ROR2: variants seen among roughly 807,000 people sequenced by gnomAD.
ROR2 encodes the protein ROR family WNT receptor 2, also known as tyrosine-protein kinase transmembrane receptor ROR2.
ROR2 carries 33 observed loss-of-function variants against 74.9 expected under a neutral mutation model. The ratio of observed to expected loss-of-function variants is 0.44; its 90% CI spans 0.33 to 0.59. The LOEUF is 0.59. Ranked by LOEUF, ROR2 falls within the 20% of genes least tolerant of loss-of-function variation. The pLI is 0.02. For synonymous variants in ROR2, 586 were observed against 558.7 expected, an observed-to-expected ratio of 1.05 and a Z score of -0.69; for missense variants, 1,216 against 1,313.8, an observed-to-expected ratio of 0.93 and a Z score of 1.15.
chr9:91,795,055 T>C (rs1359367421), intron 1 of ROR2, among the ~76,000 whole-genome samples: 1 of 150,552 alleles, frequency 6.6e-6, no homozygotes, highest in East Asian at 2.0e-4. Context: ...GAGGTGGAGG[T>C]TGCAGTGAGC....
At chr9:91,867,656 C>CTGTGTGTGTGTGTG (rs57475950) in intron 1 of ROR2, among the ~76,000 whole-genome samples, 1,739 of 131,350 alleles carry the variant, frequency 0.013, 35 homozygotes, top group Middle Eastern at 0.02. Context: ...CACCCATGAG[C>CTGTGTGTGTGTGTG]TGTGTGTGTG....
At chr9:91,801,567 G>A (rs1470384744) in intron 1 of ROR2, among the ~76,000 whole-genome samples, 1 of 152,134 alleles carries the variant, frequency 6.6e-6, no homozygotes, top group African/African-American at 2.4e-5. Flanking sequence ...TCTTGACCTC[G>A]TGATCACCCC....
chr9:91,789,082 A>G (rs139082162), intron 1 of ROR2, among the ~76,000 whole-genome samples: 127 of 152,304 alleles, frequency 8.3e-4, no homozygotes, highest in African/African-American at 3.0e-3. Context: ...ACTTCACGAT[A>G]GCTAGAAGAG....
chr9:91,835,959 T>G (rs944169000), intron 1 of ROR2, among the ~76,000 whole-genome samples: 1 of 152,246 alleles, frequency 6.6e-6, no homozygotes. Flanking sequence ...CCTACCTTTC[T>G]GTATAGCTTG....
Position 91,820,835 on chromosome 9 carries a change from T to G in ROR2, c.98-45017A>C, listed in dbSNP as rs998005549. Among the ~76,000 whole-genome samples, 8 of 152,250 alleles carry G rather than the reference T, an allele frequency of 5.3e-5. No homozygotes were observed. The South Asian group carries it at 1.5e-3, about 28-fold the overall frequency. On this transcript the variant is annotated intron_variant, in intron 1 of 8. Coordinates refer to ENST00000375708, the MANE Select transcript of ROR2 (RefSeq NM_004560.4). ...GGGAGGTCAGGCCAGGTGTGGTGGC[T>G]CACTCACTGTAATCCCAGCGCTTTG...
intron 4 of ROR2, among the ~76,000 whole-genome samples, chr9:91,748,059 C>T (rs1328277657): frequency 2.0e-5 from 3 of 152,104 alleles, no homozygotes; most frequent in South Asian, 2.1e-4. Context: ...GTCAGGAGTT[C>T]GAGATCAGCC....
intron 1 of ROR2, among the ~76,000 whole-genome samples, chr9:91,910,944 G>A (rs975009780): frequency 6.6e-5 from 10 of 152,302 alleles, no homozygotes; most frequent in Admixed American, 5.2e-4. Flanking sequence ...GATTACAGGC[G>A]TTAGCCACCG....
intron 1 of ROR2, among the ~76,000 whole-genome samples, chr9:91,820,377 TG>T (rs1184416809): frequency 6.6e-6 from 1 of 152,038 alleles, no homozygotes; most frequent in East Asian, 1.9e-4. Flanking sequence ...CAGAGACCAA[TG>T]GAAGCAGAAT....
At chr9:91,879,960 A>G (rs1564016496) in intron 1 of ROR2, among the ~76,000 whole-genome samples, 1 of 152,072 alleles carries the variant, frequency 6.6e-6, no homozygotes, top group East Asian at 1.9e-4. Flanking sequence ...ATCACAGTAG[A>G]AGTCAACAGA....
At chr9:91,879,194 G>A (rs1830037383) in intron 1 of ROR2, among the ~76,000 whole-genome samples, 1 of 152,140 alleles carries the variant, frequency 6.6e-6, no homozygotes, top group Non-Finnish European at 1.5e-5. Flanking sequence ...CCATTTCCAG[G>A]AAGGGAGATG....
At chr9:91,865,495 G>A (rs1829604053) in intron 1 of ROR2, among the ~76,000 whole-genome samples, 1 of 152,208 alleles carries the variant, frequency 6.6e-6, no homozygotes, top group South Asian at 2.1e-4. Context: ...AGGGAAGGGA[G>A]ACAAGTCATT....
intron 1 of ROR2, among the ~76,000 whole-genome samples, chr9:91,782,602 A>G (rs1434504648): frequency 6.7e-6 from 1 of 148,182 alleles, no homozygotes; most frequent in Non-Finnish European, 1.5e-5. Flanking sequence ...AAAAAAAAAA[A>G]AAAACCCTCA....
intron 2 of ROR2, among the ~76,000 whole-genome samples, chr9:91,757,812 A>C (rs1458492174): frequency 6.6e-6 from 1 of 152,156 alleles, no homozygotes; most frequent in East Asian, 1.9e-4. Flanking sequence ...ACTTTCACCA[A>C]CCAACCAATA....
intron 1 of ROR2, among the ~76,000 whole-genome samples, chr9:91,846,728 G>A (rs1324257981): frequency 6.6e-6 from 1 of 152,000 alleles, no homozygotes; most frequent in Non-Finnish European, 1.5e-5. Context: ...CCTCTGCGGT[G>A]GTCCCTGAAC....
chr9:91,892,401 A>C (rs1830442252), intron 1 of ROR2, among the ~76,000 whole-genome samples: 1 of 152,072 alleles, frequency 6.6e-6, no homozygotes, highest in African/African-American at 2.4e-5. Context: ...CAAGTCCCTT[A>C]CCCCGCCCAT....
chr9:91,926,884 T>C (rs1219996729), intron 1 of ROR2, among the ~76,000 whole-genome samples: 1 of 152,024 alleles, frequency 6.6e-6, no homozygotes, highest in African/African-American at 2.4e-5. Context: ...AGCTTCTGTT[T>C]GGGAAGGGGA....
chr9:91,724,676 T>C lies in ROR2; in HGVS notation c.1818A>G (p.Leu606=), dbSNP rs773340716. ...CCTTGTGAACCACGTGGTGGCTGGATAGGTACTCCATCCCCGCCGCGATCT... is the reference window on the plus strand; with the variant it reads ...CCTTGTGAACCACGTGGTGGCTGGACAGGTACTCCATCCCCGCCGCGATCT... The part of the protein sequence containing the change: ...VAQIAAGMEY[L]SSHHVVHKDL... Residue 606 remains leucine, a synonymous_variant, in exon 9 of 9, where the codon CTA becomes CTG. Transcript: ENST00000375708. 3 of 1,614,010 alleles carry C rather than the reference T, an allele frequency of 1.9e-6. No individual in the cohort carries two copies. Among genetic ancestry groups the C allele is most frequent in the African/African-American group, 2.7e-5 (2 of 74,920 alleles).
intron 2 of ROR2, among the ~76,000 whole-genome samples, chr9:91,761,174 CT>C (rs1391286631): frequency 6.6e-6 from 1 of 152,156 alleles, no homozygotes; most frequent in Non-Finnish European, 1.5e-5. Flanking sequence ...TTCCTCAAAC[CT>C]TGCCAGGTTT....
intron 1 of ROR2, among the ~76,000 whole-genome samples, chr9:91,832,773 T>C (rs1828500143): frequency 6.6e-6 from 1 of 152,206 alleles, no homozygotes; most frequent in South Asian, 2.1e-4. Flanking sequence ...ACGAGTTTTG[T>C]TTCTCTAGTT....
Sources: gnomAD v4.1 joint callset for allele counts (sites outside exome capture counted in the v4.1 genomes callset) on GRCh38, gnomAD v4.1.1 for gene constraint, MANE v1.5 for transcripts, NCBI Gene and HGNC (gene_info 2026-07-23, HGNC 2026-07-21) for gene names.